The following MACROD2 variants were observed in gnomAD, a reference collection of about 807,000 sequenced individuals.
MACROD2 encodes the protein ADP-ribose glycohydrolase MACROD2.
MACROD2 carries 36 observed loss-of-function variants against 70.4 expected under a neutral mutation model. The ratio of observed to expected loss-of-function variants is 0.51; its 90% CI spans 0.39 to 0.68. The LOEUF is 0.68. MACROD2 is among the 30% of genes least tolerant of loss of function. The pLI is 0.00. For missense variants in MACROD2, 496 were observed against 538.4 expected (o/e 0.92, Z 0.78); for synonymous variants, 172 against 178.8 (o/e 0.96, Z 0.30).
chr20:14,417,526 C>A (rs2083822862), intron 3 of MACROD2, among the ~76,000 whole-genome samples: 1 of 152,204 alleles, frequency 6.6e-6, no homozygotes, highest in South Asian at 2.1e-4. Flanking sequence ...TCTTTATATC[C>A]TTTACTTTTT....
intron 5 of MACROD2, among the ~76,000 whole-genome samples, chr20:14,714,408 C>T (rs192226016): frequency 1.9e-4 from 29 of 152,272 alleles, no homozygotes; most frequent in Non-Finnish European, 4.0e-4. Flanking sequence ...CTGTTCTCCA[C>T]AGTTTCAGCC....
At chr20:15,600,935 C>T (rs932209473) in intron 8 of MACROD2, among the ~76,000 whole-genome samples, 2 of 152,142 alleles carry the variant, frequency 1.3e-5, no homozygotes, top group African/African-American at 4.8e-5. Context: ...ACTGAATATC[C>T]TTCTGGTAAT....
chr20:14,211,618 G>A (rs962912778), intron 3 of MACROD2, among the ~76,000 whole-genome samples: 1 of 152,172 alleles, frequency 6.6e-6, no homozygotes, highest in African/African-American at 2.4e-5. Flanking sequence ...CAGGCTCTCT[G>A]CTATCTGCTT....
At chr20:14,956,143 G>A (rs537231812) in intron 5 of MACROD2, among the ~76,000 whole-genome samples, 1 of 151,614 alleles carries the variant, frequency 6.6e-6, no homozygotes, top group East Asian at 1.9e-4. Context: ...GTACAACTTA[G>A]TGCATGGTTT....
chr20:15,625,903 CAAAA>C (rs11290779), intron 8 of MACROD2, among the ~76,000 whole-genome samples: 21 of 75,654 alleles, frequency 2.8e-4, no homozygotes, highest in African/African-American at 5.8e-4. Flanking sequence ...TCCTTGGCCA[CAAAA>C]AAAAAAAAAA....
chr20:14,001,741 C>T (rs1057360030), intron 1 of MACROD2, among the ~76,000 whole-genome samples: 5 of 151,970 alleles, frequency 3.3e-5, no homozygotes, highest in African/African-American at 4.8e-5. Context: ...CTTTTACTTA[C>T]GGGGCAAGAT....
chr20:15,456,215 T>A (rs1022016388), intron 7 of MACROD2, among the ~76,000 whole-genome samples: 2 of 152,122 alleles, frequency 1.3e-5, no homozygotes, highest in African/African-American at 4.8e-5. Context: ...CCCGACATCA[T>A]CCATGCCCCA....
At chr20:14,126,800 G>A (rs997935453) in intron 3 of MACROD2, among the ~76,000 whole-genome samples, 24 of 152,046 alleles carry the variant, frequency 1.6e-4, no homozygotes, top group South Asian at 4.2e-4. Flanking sequence ...ACCACCAACC[G>A]CACCCATAGA....
intron 3 of MACROD2, among the ~76,000 whole-genome samples, chr20:14,273,124 C>T (rs893599173): frequency 3.3e-5 from 5 of 152,280 alleles, no homozygotes; most frequent in African/African-American, 1.2e-4. Flanking sequence ...GAATTGAACT[C>T]AGCTCTGCAC....
chr20:16,018,877 C>T (rs2066965264), intron 15 of MACROD2, among the ~76,000 whole-genome samples: 2 of 152,142 alleles, frequency 1.3e-5, no homozygotes, highest in Non-Finnish European at 2.9e-5. Flanking sequence ...CATGACTTAA[C>T]TCTCTCTATT....
At chr20:15,175,509 C>A (rs1162975409) in intron 5 of MACROD2, among the ~76,000 whole-genome samples, 1 of 152,088 alleles carries the variant, frequency 6.6e-6, no homozygotes, top group African/African-American at 2.4e-5. Context: ...AGTCATTTTA[C>A]CACCCAGGTT....
chr20:14,764,582 C>T (rs1196954856), intron 5 of MACROD2, among the ~76,000 whole-genome samples: 1 of 152,072 alleles, frequency 6.6e-6, no homozygotes, highest in Admixed American at 6.6e-5. Context: ...CAGCAAGTAC[C>T]TTCATGGATC....
intron 13 of MACROD2, among the ~76,000 whole-genome samples, chr20:15,971,188 G>A (rs2066225052): frequency 6.6e-6 from 1 of 152,100 alleles, no homozygotes; most frequent in Non-Finnish European, 1.5e-5. Context: ...AAATTAAAGA[G>A]CATACATACT....
intron 5 of MACROD2, among the ~76,000 whole-genome samples, chr20:14,718,139 A>G (rs1326104057): frequency 6.6e-6 from 1 of 151,650 alleles, no homozygotes; most frequent in South Asian, 2.1e-4. Flanking sequence ...CAAAAAATAC[A>G]AAAATTTGCC....
At chr20:15,262,754 GATAAT>G (rs2077260286) in intron 6 of MACROD2, among the ~76,000 whole-genome samples, 1 of 151,986 alleles carries the variant, frequency 6.6e-6, no homozygotes, top group Non-Finnish European at 1.5e-5. Flanking sequence ...ACTGGGATAA[GATAAT>G]ATCTCATTGT....
chr20:15,495,140 A>C (rs1018507357), intron 7 of MACROD2, among the ~76,000 whole-genome samples: 2 of 152,150 alleles, frequency 1.3e-5, no homozygotes, highest in African/African-American at 4.8e-5. Flanking sequence ...TTGTGAACAA[A>C]AGTCCCCTGG....
At chr20:15,862,919 G>A (rs927566575) in intron 9 of MACROD2, 93 bp downstream of exon 9, 62 of 882,998 alleles carry the variant, frequency 7.0e-5, no homozygotes, top group Non-Finnish European at 1.0e-4. Flanking sequence ...CTTCAGGACT[G>A]TTACACATGG....
intron 4 of MACROD2, among the ~76,000 whole-genome samples, chr20:14,513,433 C>T (rs1280156771): frequency 2.0e-5 from 3 of 151,920 alleles, no homozygotes; most frequent in African/African-American, 7.3e-5. Flanking sequence ...TTTAATCTCT[C>T]AAATTTTTCT....
At chr20:14,782,847 C>T (rs1176500361) in intron 5 of MACROD2, among the ~76,000 whole-genome samples, 1 of 152,076 alleles carries the variant, frequency 6.6e-6, no homozygotes, top group African/African-American at 2.4e-5. Context: ...AAAGAACATG[C>T]CGCATTACAG....
Sources: gnomAD v4.1 joint callset for allele counts (sites outside exome capture counted in the v4.1 genomes callset) on GRCh38, gnomAD v4.1.1 for gene constraint, MANE v1.5 for transcripts, NCBI Gene and HGNC (gene_info 2026-07-23, HGNC 2026-07-21) for gene names.